The following FAM81B variants were observed in gnomAD, a reference collection of about 807,000 sequenced individuals.
The protein encoded by FAM81B is family with sequence similarity 81 member B.
A neutral mutation model predicts 58.7 loss-of-function variants in FAM81B; 60 were observed. The ratio of observed to expected loss-of-function variants is 1.02; its 90% CI spans 0.83 to 1.27. The LOEUF is 1.27. FAM81B is among the 50% of genes most tolerant of loss of function. The pLI, the probability that FAM81B is intolerant of heterozygous loss-of-function variation, is 0.00. For synonymous variants in FAM81B, 189 were observed against 179.6 expected (o/e 1.05, Z -0.42); for missense variants, 491 against 522.0 (o/e 0.94, Z 0.58).
chr5:95,434,908 C>A (rs1284858797), intron 6 of FAM81B, among the ~76,000 whole-genome samples: 1 of 152,164 alleles, frequency 6.6e-6, no homozygotes, highest in Non-Finnish European at 1.5e-5. Context: ...CTTTGCGAAG[C>A]AAATGCCATA....
chr5:95,409,776 C>T (rs916367213), intron 3 of FAM81B, among the ~76,000 whole-genome samples: 2 of 152,188 alleles, frequency 1.3e-5, no homozygotes, highest in African/African-American at 4.8e-5. Context: ...CTTTAGCCAG[C>T]TTCTGGCATT....
chr5:95,412,899 G>T (rs1733228641), intron 3 of FAM81B, among the ~76,000 whole-genome samples: 1 of 152,192 alleles, frequency 6.6e-6, no homozygotes, highest in Admixed American at 6.5e-5. Context: ...GCACTAGGTT[G>T]TCTATGTTAG....
chr5:95,401,052 GAC>G (rs1561291128), intron 3 of FAM81B, among the ~76,000 whole-genome samples: 1 of 151,750 alleles, frequency 6.6e-6, no homozygotes, highest in Non-Finnish European at 1.5e-5. Flanking sequence ...CTGTAAGTAT[GAC>G]CCAGACATCC....
At chr5:95,427,053 A>C (rs1158592600) in intron 5 of FAM81B, among the ~76,000 whole-genome samples, 2 of 149,484 alleles carry the variant, frequency 1.3e-5, no homozygotes, top group Non-Finnish European at 2.9e-5. Context: ...CGTCTCAAAA[A>C]AAAGAAAAGA....
intron 5 of FAM81B, among the ~76,000 whole-genome samples, chr5:95,424,757 G>C (rs896275493): frequency 6.6e-6 from 1 of 151,808 alleles, no homozygotes; most frequent in Admixed American, 6.6e-5. Context: ...GTGAGAGGAA[G>C]GGTCAGAAAC....
intron 7 of FAM81B, chr5:95,440,137 C>A (rs778227345): frequency 4.4e-5 from 25 of 569,716 alleles, no homozygotes; most frequent in Non-Finnish European, 7.8e-5. Context: ...GAGACTGGCA[C>A]AAGTTCTTTG....
At chr5:95,394,594 C>A (rs1761914126) in intron 2 of FAM81B, among the ~76,000 whole-genome samples, 1 of 152,132 alleles carries the variant, frequency 6.6e-6, no homozygotes. Context: ...GTTTCCATAA[C>A]GTGGCCACCT....
intron 5 of FAM81B, among the ~76,000 whole-genome samples, chr5:95,426,172 A>G (rs1762826358): frequency 6.7e-6 from 1 of 149,034 alleles, no homozygotes; most frequent in South Asian, 2.1e-4. Context: ...CAGAATGATA[A>G]CCAAATATTA....
chr5:95,425,341 G>A (rs1028410625), intron 5 of FAM81B, among the ~76,000 whole-genome samples: 9 of 152,058 alleles, frequency 5.9e-5, no homozygotes, highest in African/African-American at 2.2e-4. Context: ...AGACTGCAAC[G>A]AGCATCCAGG....
chr5:95,421,145 G>A lies in FAM81B; in HGVS notation c.656+743G>A, dbSNP rs1367906357. ...TTAAGCACTCATCTTATGCCAGGCC[G>A]TGTAATGTTAGAATTCAGCAACATG... is the stretch of plus-strand genomic sequence containing the variant. On this transcript the variant is annotated intron_variant, in intron 5 of 9. Coordinates refer to ENST00000283357, the MANE Select transcript of FAM81B (RefSeq NM_152548.3). Among the ~76,000 whole-genome samples, 7 of 152,304 alleles carry A rather than the reference G, an allele frequency of 4.6e-5. No homozygotes were observed. The South Asian group carries it at 6.2e-4, about 14-fold the overall frequency.
intron 3 of FAM81B, among the ~76,000 whole-genome samples, chr5:95,409,064 A>G (rs987437406): frequency 6.6e-6 from 1 of 152,260 alleles, no homozygotes; most frequent in Non-Finnish European, 1.5e-5. Context: ...ATATTCCATT[A>G]AAAAGTTCAC....
At chr5:95,392,716 A>C in intron 1 of FAM81B, 78 bp from the exon 2 acceptor site, 1 of 1,237,248 alleles carries the variant, frequency 8.1e-7, no homozygotes, top group South Asian at 1.4e-5. Context: ...AACTGCCCTC[A>C]ATTAAAAAAA....
intron 1 of FAM81B, 61 bp from the exon 2 acceptor site, chr5:95,392,733 C>A (rs1761860048): frequency 7.1e-7 from 1 of 1,402,750 alleles, no homozygotes; most frequent in South Asian, 1.3e-5. Context: ...AAAAAATTAG[C>A]AGCACTGCAA....
At chr5:95,413,838 T>G in intron 3 of FAM81B, 109 bp from the exon 4 acceptor site, 1 of 1,483,302 alleles carries the variant, frequency 6.7e-7, no homozygotes. Context: ...ATCAAACTTC[T>G]CACAGGGCAA....
In FAM81B at chr5:95,446,561, GATT is replaced by G; in HGVS notation, c.894_896del (p.Lys298_Phe299delinsAsn). Reference sequence around the variant, plus strand: ...ATGAAACAAAACATTTTTTCCCATAGATTTCATTCACTTTCAAGTAATCTGTAC... The same window carrying G: ...ATGAAACAAAACATTTTTTCCCATAGTCATTCACTTTCAAGTAATCTGTAC... On this transcript the variant is annotated inframe_deletion and splice_region_variant, in exon 8 of 10. Transcript: ENST00000283357. 6.4e-7 allele frequency: 1 copy of G among 1,573,916 alleles called. No homozygotes were observed. The highest frequency in any genetic ancestry group is 8.6e-7 in the Non-Finnish European group (1 of 1,166,058).
intron 9 of FAM81B, 53 bp from the exon 10 acceptor site, chr5:95,450,093 TAAA>T: frequency 1.3e-6 from 2 of 1,533,166 alleles, no homozygotes; most frequent in Non-Finnish European, 1.7e-6. Flanking sequence ...GCAACTTTTT[TAAA>T]AAAAAGCTCT....
intron 3 of FAM81B, among the ~76,000 whole-genome samples, chr5:95,407,437 A>C (rs11748942): frequency 0.28 from 38,622 of 138,318 alleles, 5,323 homozygotes; most frequent in Non-Finnish European, 0.3. Flanking sequence ...CGCGCACACA[A>C]ACACACACGC....
chr5:95,400,258 G>A (rs1263777194), intron 3 of FAM81B, among the ~76,000 whole-genome samples: 1 of 152,116 alleles, frequency 6.6e-6, no homozygotes. Context: ...GCTCCAAGGG[G>A]AACCTGTTCC....
At chr5:95,446,431 C>T in intron 7 of FAM81B, 131 bp from the exon 8 acceptor site, 1 of 901,950 alleles carries the variant, frequency 1.1e-6, no homozygotes, top group Non-Finnish European at 1.6e-6. Flanking sequence ...CTGGCACCTC[C>T]CACATCACCC....
Sources: gnomAD v4.1 joint callset for allele counts (sites outside exome capture counted in the v4.1 genomes callset) on GRCh38, gnomAD v4.1.1 for gene constraint, MANE v1.5 for transcripts, NCBI Gene and HGNC (gene_info 2026-07-23, HGNC 2026-07-21) for gene names.